The following CDH12 variants were observed in gnomAD, a reference collection of about 807,000 sequenced individuals.
CDH12 encodes the protein cadherin 12, also known as cadherin-12.
Under a neutral mutation model 74.1 loss-of-function variants are expected in CDH12, and 41 were observed. That is an observed-to-expected ratio of 0.55 (90% CI 0.43 to 0.72). CDH12 has a LOEUF of 0.72. Among genes scored for constraint, CDH12 ranks in the 30% least tolerant of loss-of-function variants. The pLI is 0.00. For synonymous variants in CDH12, 399 were observed against 355.0 expected (o/e 1.12, Z -1.39); for missense variants, 945 against 977.2 (o/e 0.97, Z 0.44).
At chr5:22,745,596 A>G (rs1580952923) in intron 1 of CDH12, among the ~76,000 whole-genome samples, 1 of 152,204 alleles carries the variant, frequency 6.6e-6, no homozygotes, top group African/African-American at 2.4e-5. Context: ...CATAAAAAAG[A>G]ATGAGATCAC....
chr5:21,797,221 TGAA>T (rs1351026853), intron 10 of CDH12, among the ~76,000 whole-genome samples: 1 of 151,868 alleles, frequency 6.6e-6, no homozygotes, highest in Non-Finnish European at 1.5e-5. Context: ...ATGAAGATGA[TGAA>T]GATGATGATG....
intron 1 of CDH12, among the ~76,000 whole-genome samples, chr5:22,507,386 G>A (rs563775810): frequency 3.3e-5 from 5 of 152,054 alleles, no homozygotes; most frequent in African/African-American, 1.2e-4. Flanking sequence ...TATAATTAAT[G>A]TACATGTTAA....
At chr5:21,883,893 G>A in intron 6 of CDH12, 1 of 1,607,094 alleles carries the variant, frequency 6.2e-7, no homozygotes, top group African/African-American at 1.3e-5. Context: ...TGTTGAAGGA[G>A]GCATTGTTTT....
At chr5:22,059,717 G>T (rs921162834) in intron 5 of CDH12, among the ~76,000 whole-genome samples, 3 of 151,752 alleles carry the variant, frequency 2.0e-5, no homozygotes, top group Non-Finnish European at 2.9e-5. Flanking sequence ...TTTCCAAACC[G>T]CCTCATGTTA....
intron 2 of CDH12, among the ~76,000 whole-genome samples, chr5:22,442,898 A>T (rs1744682075): frequency 6.6e-6 from 1 of 152,182 alleles, no homozygotes; most frequent in South Asian, 2.1e-4. Context: ...ATTTTAAGTT[A>T]CTTGTGATAT....
chr5:22,337,390 T>C (rs1297090392), intron 3 of CDH12, among the ~76,000 whole-genome samples: 1 of 152,168 alleles, frequency 6.6e-6, no homozygotes, highest in African/African-American at 2.4e-5. Flanking sequence ...TGGAATGATA[T>C]GGTTTGGCCC....
At chr5:21,851,610 A>G (rs1381854773) in intron 7 of CDH12, among the ~76,000 whole-genome samples, 1 of 151,446 alleles carries the variant, frequency 6.6e-6, no homozygotes, top group Non-Finnish European at 1.5e-5. Flanking sequence ...TCTAAAGCAT[A>G]TAAATGAATG....
intron 3 of CDH12, among the ~76,000 whole-genome samples, chr5:22,317,373 C>T (rs1738678173): frequency 6.6e-6 from 1 of 151,738 alleles, no homozygotes. Flanking sequence ...ATTATTTGTA[C>T]CTTCTAATTG....
chr5:22,566,426 G>C (rs1247296729), intron 1 of CDH12, among the ~76,000 whole-genome samples: 1 of 151,914 alleles, frequency 6.6e-6, no homozygotes, highest in Non-Finnish European at 1.5e-5. Context: ...TTTTAGTAGA[G>C]ACGCAGTTTC....
intron 1 of CDH12, among the ~76,000 whole-genome samples, chr5:22,774,966 T>C (rs1331940101): frequency 2.0e-5 from 3 of 152,034 alleles, no homozygotes; most frequent in African/African-American, 7.2e-5. Context: ...CCTGCATATG[T>C]ACCTCCTGGT....
intron 1 of CDH12, among the ~76,000 whole-genome samples, chr5:22,701,759 A>G (rs1742726484): frequency 1.3e-5 from 2 of 152,084 alleles, no homozygotes; most frequent in South Asian, 4.1e-4. Context: ...TTCCCTCACT[A>G]CTCAATCTAA....
At chr5:22,293,153 C>T (rs936504488) in intron 3 of CDH12, among the ~76,000 whole-genome samples, 1 of 152,148 alleles carries the variant, frequency 6.6e-6, no homozygotes, top group Non-Finnish European at 1.5e-5. Flanking sequence ...GCTGCTGTAG[C>T]CCCTACCCCT....
At chr5:21,773,958 T>G (rs1173578807) in intron 11 of CDH12, among the ~76,000 whole-genome samples, 2 of 152,200 alleles carry the variant, frequency 1.3e-5, no homozygotes, top group African/African-American at 4.8e-5. Flanking sequence ...TTAGGCATAA[T>G]TATGACCTTA....
At chr5:21,939,643 G>A (rs889221856) in intron 6 of CDH12, among the ~76,000 whole-genome samples, 14 of 151,948 alleles carry the variant, frequency 9.2e-5, no homozygotes, top group African/African-American at 3.4e-4. Flanking sequence ...CACAAATAAG[G>A]GAGTTATATG....
intron 2 of CDH12, among the ~76,000 whole-genome samples, chr5:22,498,950 C>T (rs1409774611): frequency 1.6e-5 from 2 of 122,330 alleles, no homozygotes; most frequent in Admixed American, 1.1e-4. Flanking sequence ...GACACCCAGA[C>T]TGGAGTGAAG....
chr5:22,745,522 G>T (rs1745249094), intron 1 of CDH12, among the ~76,000 whole-genome samples: 1 of 152,012 alleles, frequency 6.6e-6, no homozygotes, highest in Non-Finnish European at 1.5e-5. Flanking sequence ...CAACCTAAAA[G>T]CCCATCAATA....
chr5:22,582,231 A>G (rs1740143828), intron 1 of CDH12, among the ~76,000 whole-genome samples: 1 of 152,170 alleles, frequency 6.6e-6, no homozygotes. Flanking sequence ...CTAAATTTAT[A>G]ACCATATGAA....
At chr5:21,944,996 G>T (rs1340551714) in intron 6 of CDH12, among the ~76,000 whole-genome samples, 2 of 151,942 alleles carry the variant, frequency 1.3e-5, no homozygotes, top group African/African-American at 4.8e-5. Context: ...AACCATCTAC[G>T]AAATAATAAG....
chr5:21,852,392 C>G (rs980802331), intron 7 of CDH12, among the ~76,000 whole-genome samples: 2 of 151,272 alleles, frequency 1.3e-5, no homozygotes, highest in African/African-American at 4.8e-5. Context: ...ATTACATATT[C>G]ACGTACTGTA....
Sources: allele counts gnomAD v4.1 joint callset (sites outside exome capture counted in the v4.1 genomes callset), GRCh38; gene constraint gnomAD v4.1.1; transcripts MANE v1.5; gene names NCBI Gene and HGNC (gene_info 2026-07-23, HGNC 2026-07-21).